The following CACNA1C variants were observed in gnomAD, a reference collection of about 807,000 sequenced individuals.
The protein encoded by CACNA1C is voltage-dependent L-type calcium channel subunit alpha-1C.
CACNA1C carries 30 observed loss-of-function variants against 229.0 expected under a neutral mutation model. The observed-to-expected ratio is 0.13, with a 90% CI of 0.10 to 0.18. The LOEUF (loss-of-function observed/expected upper bound fraction) is 0.18, where lower values mean the gene tolerates loss of function less well. Among genes scored for constraint, CACNA1C ranks in the 10% least tolerant of loss-of-function variants. The pLI, the probability that CACNA1C is intolerant of heterozygous loss-of-function variation, is 1.00. For synonymous variants in CACNA1C, 1,114 were observed against 1,132.5 expected (o/e 0.98, Z 0.33); for missense variants, 1,658 against 2,845.0 (o/e 0.58, Z 9.49).
At chr12:2,641,627 A>G in intron 30 of CACNA1C, 1 of 669,318 alleles carries the variant, frequency 1.5e-6, no homozygotes, top group Non-Finnish European at 2.7e-6. Context: ...GCCTTGTTTC[A>G]AAATGAAGTG....
intron 3 of CACNA1C, among the ~76,000 whole-genome samples, chr12:2,424,424 A>C (rs1047916309): frequency 6.6e-6 from 1 of 151,746 alleles, no homozygotes; most frequent in African/African-American, 2.4e-5. Flanking sequence ...GTGTGTGAGG[A>C]CATGGTTATT....
At chr12:2,081,950 G>A (rs2065806081) in intron 1 of CACNA1C, among the ~76,000 whole-genome samples, 1 of 151,996 alleles carries the variant, frequency 6.6e-6, no homozygotes, top group Non-Finnish European at 1.5e-5. Flanking sequence ...GTGTGCCAAG[G>A]TCTTTTATGA....
rs1419501193 is a variant in CACNA1C, at chr12:2,215,664, G to A, written c.477+95234G>A. Among the ~76,000 whole-genome samples, 4 of 152,234 alleles carry A rather than the reference G, an allele frequency of 2.6e-5. No individual in the cohort carries two copies. The highest frequency in any genetic ancestry group is 9.6e-5 in the African/African-American group (4 of 41,464). On this transcript the variant is annotated intron_variant, in intron 3 of 46. Transcript: ENST00000399655. The surrounding 1 kb of genome is among the most constrained non-coding windows in gnomAD (Gnocchi z 5.0). The stretch of plus-strand genomic sequence containing the variant: ...CAGCCCTTCAGGGACAGGCTCCAGG[G>A]TAGGCCTGGCAGAGGGAAGGACCAT...
intron 3 of CACNA1C, among the ~76,000 whole-genome samples, chr12:2,183,002 C>T (rs369706061): frequency 2.6e-5 from 4 of 152,154 alleles, no homozygotes; most frequent in African/African-American, 9.6e-5. Context: ...ATCACTTCCC[C>T]CAGATGATCT....
intron 9 of CACNA1C, among the ~76,000 whole-genome samples, chr12:2,528,945 A>T (rs1218194685): frequency 6.6e-6 from 1 of 152,158 alleles, no homozygotes; most frequent in African/African-American, 2.4e-5. Flanking sequence ...CAGTTGGAGG[A>T]TTAGTGGTCT....
Position 2,360,153 on chromosome 12 carries a change from C to CT in CACNA1C, c.478-88823_478-88822insT, listed in dbSNP as rs1567232889. ...ATTCTTAAAACACACACAAACACAC[C>CT]CCACCCCCCCCCACCCCCCCACCCC... On this transcript the variant is annotated intron_variant, in intron 3 of 46. Coordinates refer to ENST00000399655, the MANE Select transcript of CACNA1C (RefSeq NM_000719.7). Among the ~76,000 whole-genome samples the CT allele has an allele frequency of 6.4e-4, 66 of 103,460 alleles. 1 individual carries two copies. Among genetic ancestry groups the CT allele is most frequent in the Non-Finnish European group, 8.6e-4 (44 of 51,386 alleles). The allele number at this position is 103,460 out of a possible 152,430, so 67.9% of individuals were successfully genotyped here. A position where few individuals can be genotyped will look rare whatever the true frequency, so the allele number is the denominator to read the frequency against.
At chr12:2,271,195 C>A (rs2154419094) in intron 3 of CACNA1C, among the ~76,000 whole-genome samples, 1 of 152,324 alleles carries the variant, frequency 6.6e-6, no homozygotes, top group African/African-American at 2.4e-5. Context: ...CAGTTCATGG[C>A]TTCCAGGGCC....
At chr12:2,414,434 C>G (rs542427316) in intron 3 of CACNA1C, among the ~76,000 whole-genome samples, 1 of 152,018 alleles carries the variant, frequency 6.6e-6, no homozygotes, top group Non-Finnish European at 1.5e-5. Context: ...CGTGGATGGC[C>G]GGATTTTGAT....
chr12:2,184,541 G>T (rs2096938285), intron 3 of CACNA1C, among the ~76,000 whole-genome samples: 1 of 152,204 alleles, frequency 6.6e-6, no homozygotes, highest in Non-Finnish European at 1.5e-5. Flanking sequence ...GAATGTGTTT[G>T]CCTCTCTGAT....
intron 29 of CACNA1C, among the ~76,000 whole-genome samples, chr12:2,625,476 C>T (rs775796688): frequency 5.9e-5 from 9 of 152,194 alleles, no homozygotes; most frequent in East Asian, 1.9e-4. Context: ...TCCGGCCCTG[C>T]GCTGGGTCAG....
At chr12:2,082,332 A>C (rs1370197681) in intron 1 of CACNA1C, among the ~76,000 whole-genome samples, 2 of 151,914 alleles carry the variant, frequency 1.3e-5, no homozygotes, top group Non-Finnish European at 2.9e-5. Context: ...TTCCCCTCTC[A>C]CACATGCTTT....
intron 4 of CACNA1C, among the ~76,000 whole-genome samples, chr12:2,452,306 C>T (rs1023287035): frequency 6.6e-6 from 1 of 152,126 alleles, no homozygotes. Flanking sequence ...CACAGAGGGA[C>T]TGTGGCGGCC....
chr12:2,468,016 GT>G (rs1285895472), intron 5 of CACNA1C, among the ~76,000 whole-genome samples: 1 of 152,214 alleles, frequency 6.6e-6, no homozygotes, highest in African/African-American at 2.4e-5. Flanking sequence ...GACCCTGTGG[GT>G]TGGCAGGAGC....
chr12:2,533,039 T>C (rs1034888337), intron 9 of CACNA1C, among the ~76,000 whole-genome samples: 3 of 152,162 alleles, frequency 2.0e-5, no homozygotes, highest in Non-Finnish European at 4.4e-5. Context: ...AGAATAGTTC[T>C]AAGATTCGGG....
chr12:2,349,787 C>T (rs2097153764), intron 3 of CACNA1C, among the ~76,000 whole-genome samples: 1 of 152,138 alleles, frequency 6.6e-6, no homozygotes, highest in African/African-American at 2.4e-5. Context: ...GAGGAACGCA[C>T]CTTGCACAGT....
intron 38 of CACNA1C, among the ~76,000 whole-genome samples, chr12:2,674,008 G>A (rs998227946): frequency 3.3e-5 from 5 of 152,196 alleles, no homozygotes; most frequent in African/African-American, 9.7e-5. Flanking sequence ...GGACCCCAGA[G>A]GCTGCATAAG....
At chr12:2,099,735 G>A (rs1338526224) in intron 1 of CACNA1C, among the ~76,000 whole-genome samples, 3 of 151,926 alleles carry the variant, frequency 2.0e-5, no homozygotes, top group African/African-American at 7.3e-5. Flanking sequence ...TTCTTGCCCA[G>A]CCACGGACAG....
At position 2,080,273 on chromosome 12, in the gene CACNA1C, A is replaced by AAAAAC. The variant is rs1342704300; in HGVS notation, c.49+26667_49+26671dup. On this transcript the variant is annotated intron_variant, in intron 1 of 46. Transcript: ENST00000399655. ...TGAGACCCTGTCTCAAACAAAAAAC[A>AAAAAC]AAAACAAAAAAAACAAATAAAATAA... Among the ~76,000 whole-genome samples, 3 of 564 alleles carry AAAAAC rather than the reference A, an allele frequency of 5.3e-3. No individual in the cohort carries two copies. The East Asian group carries it at 0.25, about 47-fold the overall frequency. The allele number at this position is 564 out of a possible 152,430, so 0.4% of individuals were successfully genotyped here.
rs1403652108 is a variant in CACNA1C, at chr12:2,325,994, G to A, written c.478-122982G>A. Among the ~76,000 whole-genome samples, 3 of 152,216 alleles carry A rather than the reference G, an allele frequency of 2.0e-5. No homozygotes were observed. In the East Asian group the frequency reaches 5.8e-4, roughly 29 times the overall value. ...CAAACATCAGCCTGGCCAGCCCCCTGAGGACGGCTGTGAGGAAGGGCACAC... is the reference window on the plus strand; with the variant it reads ...CAAACATCAGCCTGGCCAGCCCCCTAAGGACGGCTGTGAGGAAGGGCACAC... On this transcript the variant is annotated intron_variant, in intron 3 of 46. Transcript: ENST00000399655.
Sources: allele counts gnomAD v4.1 joint callset (sites outside exome capture counted in the v4.1 genomes callset), GRCh38; gene constraint gnomAD v4.1.1; non-coding constraint Gnocchi (gnomAD v3.1); transcripts MANE v1.5; gene names NCBI Gene and HGNC (gene_info 2026-07-23, HGNC 2026-07-21).